Variants in IRF2BP2 observed in about 807,000 individuals in gnomAD.
IRF2BP2 encodes interferon regulatory factor 2-binding protein 2.
Under a neutral mutation model 32.7 loss-of-function variants are expected in IRF2BP2, and 13 were observed. The observed-to-expected ratio is 0.40, with a 90% CI of 0.26 to 0.63. The LOEUF is 0.63. Ranked by LOEUF, IRF2BP2 falls within the 30% of genes least tolerant of loss-of-function variation. The pLI is 0.42. For synonymous variants in IRF2BP2, 555 were observed against 384.6 expected (o/e 1.44, Z -5.18); for missense variants, 980 against 830.6 (o/e 1.18, Z -2.21).
Position 234,609,890 on chromosome 1 carries a change from G to A in IRF2BP2, c.-396C>T, listed in dbSNP as rs1264319950. Among the ~76,000 whole-genome samples, 3 of 139,886 alleles carry A rather than the reference G, an allele frequency of 2.1e-5. No homozygotes were observed. The highest frequency in any genetic ancestry group is 6.9e-5 in the Admixed American group (1 of 14,420). The allele number at this position is 139,886 out of a possible 152,430, so 91.8% of individuals were successfully genotyped here. On this transcript the variant is annotated 5_prime_UTR_variant, in exon 1 of 2. Coordinates refer to ENST00000366609, the MANE Select transcript of IRF2BP2 (RefSeq NM_182972.3). Reference sequence around the variant, plus strand: ...GCGGGGGAGCGCAGCAGGTCGCGGCGGCGGCCGGCACGGAGTGCGGGGCGG... The same window carrying A: ...GCGGGGGAGCGCAGCAGGTCGCGGCAGCGGCCGGCACGGAGTGCGGGGCGG...
rs1001909997 is a variant in IRF2BP2, at chr1:234,609,399, G to A, written c.96C>T (p.Phe32=). ...PRMPWAMIWD[F]TEPVCRGCVN... The stretch of plus-strand genomic sequence containing the variant: ...CGCAGCCGCGGCAGACGGGTTCGGT[G>A]AAGTCCCAGATCATGGCCCAGGGCA... Residue 32 remains phenylalanine, a synonymous_variant, in exon 1 of 2, where the codon TTC becomes TTT. Coordinates refer to ENST00000366609, the MANE Select transcript of IRF2BP2 (RefSeq NM_182972.3). 4 of 1,565,854 alleles carry A rather than the reference G, an allele frequency of 2.6e-6. No homozygotes were observed. Among genetic ancestry groups the A allele is most frequent in the Admixed American group, 1.8e-5 (1 of 55,094 alleles).
rs1174018426 is a variant in IRF2BP2 at position 234,609,147 on chromosome 1, G to A, written c.348C>T (p.Arg116=). Residue 116 remains arginine, a synonymous_variant, in exon 1 of 2, where the codon CGC becomes CGT. Coordinates refer to ENST00000366609, the MANE Select transcript of IRF2BP2 (RefSeq NM_182972.3). ...TCTCGGCCGCGGCCGCCAACGGGTA[G>A]CGCTCCAAGGCCTGCGGCGCGCGCG... is the stretch of plus-strand genomic sequence containing the variant. ...AAPRAPQALE[R]YPLAAAAERP... 4 of 1,241,408 alleles carry A rather than the reference G, an allele frequency of 3.2e-6. No homozygotes were observed. The East Asian group carries it at 1.3e-4, about 41-fold the overall frequency. 76.9% of individuals were successfully genotyped at this position (1,241,408 alleles called of 1,614,324 possible).
Position 234,608,439 on chromosome 1 carries a change from GC to G in IRF2BP2, c.1048+7del. On this transcript the variant is annotated splice_region_variant and intron_variant, in intron 1 of 1. Coordinates refer to ENST00000366609, the MANE Select transcript of IRF2BP2 (RefSeq NM_182972.3). ...CCCTAGACCCCCTCACTTCACAGCC[GC>G]CCCTACCTGCTTTAGACCCGTTGGC... 6.6e-7 allele frequency: 1 copy of G among 1,505,086 alleles called. No homozygotes were observed. 93.2% of individuals were successfully genotyped at this position (1,505,086 alleles called of 1,614,324 possible). A position where few individuals can be genotyped will look rare whatever the true frequency, so the allele number is the denominator to read the frequency against.
chr1:234,608,395 C>T lies in IRF2BP2; in HGVS notation c.1048+52G>A. ...AATCCAAAGAACCACCCTTCCTCTG[C>T]TCTCCGTCCCCTTTTCTCCCCTAGA... On this transcript the variant is annotated intron_variant, in intron 1 of 1. Transcript: ENST00000366609. 3 of 1,348,740 alleles carry T rather than the reference C, an allele frequency of 2.2e-6. No individual in the cohort carries two copies. The South Asian group carries it at 4.7e-5, about 21-fold the overall frequency. 83.5% of individuals were successfully genotyped at this position (1,348,740 alleles called of 1,614,324 possible).
Position 234,608,445 on chromosome 1 carries a change from A to G in IRF2BP2, c.1048+2T>C. The G allele has an allele frequency of 6.5e-7, 1 of 1,545,112 alleles. No individual in the cohort carries two copies. The highest frequency in any genetic ancestry group is 8.8e-7 in the Non-Finnish European group (1 of 1,140,984). ...ACCCCCTCACTTCACAGCCGCCCCT[A>G]CCTGCTTTAGACCCGTTGGCCCCGT... On this transcript the variant is annotated splice_donor_variant, in intron 1 of 1. Coordinates refer to ENST00000366609, the MANE Select transcript of IRF2BP2 (RefSeq NM_182972.3). LOFTEE classifies it high-confidence loss of function.
At chr1:234,607,896 C>T (rs1287788425) in intron 1 of IRF2BP2, 44 bp from the exon 2 acceptor site, 3 of 1,420,060 alleles carry the variant, frequency 2.1e-6, no homozygotes, top group Non-Finnish European at 2.8e-6. Flanking sequence ...ACATAAGTGG[C>T]GGTGCACTGA....
At chr1:234,608,002 G>C (rs910537301) in intron 1 of IRF2BP2, 150 bp from the exon 2 acceptor site, 14 of 638,470 alleles carry the variant, frequency 2.2e-5, no homozygotes, top group Non-Finnish European at 3.4e-5. Flanking sequence ...CGAGTTTCAG[G>C]TGCACATGCA....
In IRF2BP2 at chr1:234,605,448, C is replaced by T. The variant is rs935873863; in HGVS notation, c.*1689G>A. 1.3e-5 allele frequency: 2 copies of T among 152,214 alleles called. No homozygotes were observed. The highest frequency in any genetic ancestry group is 2.4e-5 in the African/African-American group (1 of 41,462). 9.4% of individuals were successfully genotyped at this position (152,214 alleles called of 1,614,324 possible). On this transcript the variant is annotated 3_prime_UTR_variant, in exon 2 of 2. Transcript: ENST00000366609. Reference sequence around the variant, plus strand: ...TCATTAAAAACACTACGGAAAAACACTGTATTTGGTGCAGTATCTGATTTT... The same window carrying T: ...TCATTAAAAACACTACGGAAAAACATTGTATTTGGTGCAGTATCTGATTTT...
chr1:234,608,102 T>G, intron 1 of IRF2BP2: 1 of 553,522 alleles, frequency 1.8e-6, no homozygotes, highest in Non-Finnish European at 3.2e-6. Flanking sequence ...ACTGCCTGTT[T>G]GTACACATGC....
At position 234,606,945 on chromosome 1, in the gene IRF2BP2, T is replaced by A; in HGVS notation, c.*192A>T. ...CGTTAACAAAAGAAAAAAATGTCTTTATAAGTACATACCTTTTGTCGTCAA... is the reference window on the plus strand; with the variant it reads ...CGTTAACAAAAGAAAAAAATGTCTTAATAAGTACATACCTTTTGTCGTCAA... On this transcript the variant is annotated 3_prime_UTR_variant, in exon 2 of 2. Coordinates refer to ENST00000366609, the MANE Select transcript of IRF2BP2 (RefSeq NM_182972.3). The A allele has an allele frequency of 2.0e-6, 1 of 500,596 alleles. No individual in the cohort carries two copies. 31.0% of individuals were successfully genotyped at this position (500,596 alleles called of 1,614,324 possible). A position where few individuals can be genotyped will look rare whatever the true frequency, so the allele number is the denominator to read the frequency against.
rs2102767399 is a variant in IRF2BP2, at chr1:234,606,399, T to C, written c.*738A>G. On this transcript the variant is annotated 3_prime_UTR_variant, in exon 2 of 2. Transcript: ENST00000366609. The stretch of plus-strand genomic sequence containing the variant: ...TTGTATCTTATGTAACCAACTAGCA[T>C]GCAGCATTGTAATCTTACAACTGAT... 1 of 151,898 alleles carries C rather than the reference T, an allele frequency of 6.6e-6. No homozygotes were observed. Among genetic ancestry groups the C allele is most frequent in the Non-Finnish European group, 1.5e-5 (1 of 67,980 alleles). The allele number at this position is 151,898 out of a possible 1,614,324, so 9.4% of individuals were successfully genotyped here.
intron 1 of IRF2BP2, 57 bp from the exon 2 acceptor site, chr1:234,607,909 G>C (rs1357523545): frequency 2.2e-6 from 3 of 1,338,824 alleles, no homozygotes; most frequent in East Asian, 2.3e-5. Context: ...TGCACTGAAA[G>C]AGATCATTCT....
chr1:234,607,967 A>G (rs1672213538), intron 1 of IRF2BP2, 115 bp from the exon 2 acceptor site: 3 of 813,814 alleles, frequency 3.7e-6, no homozygotes, highest in Non-Finnish European at 5.6e-6. Context: ...CCTCTCTAAA[A>G]GCACAGACAG....
In IRF2BP2 at chr1:234,609,042, C is replaced by G. The variant is rs567164754; in HGVS notation, c.453G>C (p.Pro151=). 534 of 1,296,552 alleles carry G rather than the reference C, an allele frequency of 4.1e-4. 1 individual carries two copies. Among genetic ancestry groups the G allele is most frequent in the Middle Eastern group, 3.8e-3 (15 of 3,974 alleles). The allele number at this position is 1,296,552 out of a possible 1,614,324, so 80.3% of individuals were successfully genotyped here. The part of the protein sequence containing the change: ...SLAQPPTPQP[P]PVNGILVPNG... ...TGGGCACCAGGATGCCGTTCACGGGCGGCGGCTGCGGCGTCGGCGGCTGGG... is the reference window on the plus strand; with the variant it reads ...TGGGCACCAGGATGCCGTTCACGGGGGGCGGCTGCGGCGTCGGCGGCTGGG... The change falls in exon 1 of 2, where the codon CCG becomes CCC. Residue 151 remains proline (P), a synonymous_variant. Coordinates refer to ENST00000366609, the MANE Select transcript of IRF2BP2 (RefSeq NM_182972.3).
At position 234,608,866 on chromosome 1, in the gene IRF2BP2, GCAGCGC is replaced by G; in HGVS notation, c.623_628del (p.Arg208_Ala210delinsPro). On this transcript the variant is annotated inframe_deletion, in exon 1 of 2. Coordinates refer to ENST00000366609, the MANE Select transcript of IRF2BP2 (RefSeq NM_182972.3). ...TCCGGACACCGCGGCTAAGGAGGCG[GCAGCGC>G]GGCCGCCGAGGCCGAGCGCGGTGGG... 1 of 1,319,822 alleles carries G rather than the reference GCAGCGC, an allele frequency of 7.6e-7. No homozygotes were observed. 81.8% of individuals were successfully genotyped at this position (1,319,822 alleles called of 1,614,324 possible). A position where few individuals can be genotyped will look rare whatever the true frequency, so the allele number is the denominator to read the frequency against.
In IRF2BP2 at chr1:234,607,420, G is replaced by C. The variant is rs777450851; in HGVS notation, c.1481C>G (p.Pro494Arg). The change falls in exon 2 of 2, where the codon CCG (proline) becomes CGG (arginine). Residue 494 changes from proline to arginine, a missense_variant. Coordinates refer to ENST00000366609, the MANE Select transcript of IRF2BP2 (RefSeq NM_182972.3). ...GLEPVHPASL[P>R]DSSLATSAPL... Reference sequence around the variant, plus strand: ...GGCACTGGTTGCCAGAGAGGAGTCCGGGAGGCTGGCAGGGTGCACTGGCTC... The same window carrying C: ...GGCACTGGTTGCCAGAGAGGAGTCCCGGAGGCTGGCAGGGTGCACTGGCTC... 3 of 1,614,118 alleles carry C rather than the reference G, an allele frequency of 1.9e-6. No homozygotes were observed. The highest frequency in any genetic ancestry group is 3.3e-5 in the Admixed American group (2 of 60,030).
Position 234,607,517 on chromosome 1 carries a change from A to G in IRF2BP2, c.1384T>C (p.Ser462Pro). Residue 462 changes from serine to proline, a missense_variant, in exon 2 of 2, where the codon TCC becomes CCC. Coordinates refer to ENST00000366609, the MANE Select transcript of IRF2BP2 (RefSeq NM_182972.3). The stretch of plus-strand genomic sequence containing the variant: ...CCCAGCCTTCTTTGGTTCATAGAGG[A>G]CGGAGAGGGCGGACTGTTGCTATTC... ...RRNSNSPPSP[S>P]SMNQRRLGPR... The G allele has an allele frequency of 6.2e-7, 1 of 1,614,082 alleles. No individual in the cohort carries two copies. Among genetic ancestry groups the G allele is most frequent in the Non-Finnish European group, 8.5e-7 (1 of 1,179,948 alleles).
rs984604667 is a variant in IRF2BP2 at position 234,609,576 on chromosome 1, C to G, written c.-82G>C. On this transcript the variant is annotated 5_prime_UTR_variant, in exon 1 of 2. Coordinates refer to ENST00000366609, the MANE Select transcript of IRF2BP2 (RefSeq NM_182972.3). Reference sequence around the variant, plus strand: ...CGCCGCCCCCCACCGGCACCACGCGCGCCCTCCTCCCCCCCCAACCCCGCG... The same window carrying G: ...CGCCGCCCCCCACCGGCACCACGCGGGCCCTCCTCCCCCCCCAACCCCGCG... The G allele has an allele frequency of 2.5e-6, 2 of 799,488 alleles. No individual in the cohort carries two copies. The highest frequency in any genetic ancestry group is 3.5e-6 in the Non-Finnish European group (2 of 578,280). 49.5% of individuals were successfully genotyped at this position (799,488 alleles called of 1,614,324 possible).
chr1:234,607,909 G>A (rs1357523545), intron 1 of IRF2BP2, 57 bp from the exon 2 acceptor site: 12 of 1,338,706 alleles, frequency 9.0e-6, no homozygotes, highest in Admixed American at 2.3e-5. Context: ...TGCACTGAAA[G>A]AGATCATTCT....
Sources: gnomAD v4.1 joint callset for allele counts (sites outside exome capture counted in the v4.1 genomes callset) on GRCh38, gnomAD v4.1.1 for gene constraint, MANE v1.5 for transcripts, NCBI Gene and HGNC (gene_info 2026-07-23, HGNC 2026-07-21) for gene names.